The following PACRG variants were observed in gnomAD, a reference collection of about 807,000 sequenced individuals.
PACRG encodes the protein parkin coregulated, also known as parkin coregulated gene protein.
PACRG carries 29 observed loss-of-function variants against 29.7 expected under a neutral mutation model. The observed-to-expected ratio is 0.98, with a 90% CI of 0.73 to 1.33. The LOEUF is 1.33. Among genes scored for constraint, PACRG ranks in the 40% most tolerant of loss-of-function variants. The probability of loss-of-function intolerance (pLI) is 0.00; values close to 1 mark genes in which losing one functional copy is unlikely to be tolerated. For synonymous variants in PACRG, 116 were observed against 118.7 expected, an observed-to-expected ratio of 0.98 and a Z score of 0.15; for missense variants, 279 against 316.2, an observed-to-expected ratio of 0.88 and a Z score of 0.89.
chr6:162,745,383 G>A (rs1279139336), intron 1 of PACRG, among the ~76,000 whole-genome samples: 5 of 151,954 alleles, frequency 3.3e-5, no homozygotes, highest in East Asian at 1.9e-4. Context: ...GGGGCCTTTC[G>A]GGGGATGTGG....
chr6:163,156,994 G>T (rs1486200948), intron 4 of PACRG, among the ~76,000 whole-genome samples: 1 of 152,164 alleles, frequency 6.6e-6, no homozygotes, highest in Non-Finnish European at 1.5e-5. Flanking sequence ...AGTACCTTTT[G>T]TCATGTAATG....
chr6:162,861,562 A>C lies in PACRG; in HGVS notation c.291+47281A>C, dbSNP rs564689414. 2.0e-5 allele frequency among the ~76,000 whole-genome samples: 3 copies of C among 152,310 alleles called. No individual in the cohort carries two copies. In the South Asian group the frequency reaches 6.2e-4, roughly 32 times the overall value. Reference sequence around the variant, plus strand: ...GTTCTTAGCTACCTATCAAAGCGAAAGCAACTGAGACCCTGAGTGAAGTCG... The same window carrying C: ...GTTCTTAGCTACCTATCAAAGCGAACGCAACTGAGACCCTGAGTGAAGTCG... On this transcript the variant is annotated intron_variant, in intron 2 of 4. Coordinates refer to ENST00000366888, the MANE Select transcript of PACRG (RefSeq NM_001080379.2).
intron 4 of PACRG, among the ~76,000 whole-genome samples, chr6:163,162,055 G>A (rs1258256369): frequency 2.0e-5 from 3 of 152,318 alleles, no homozygotes; most frequent in East Asian, 3.9e-4. Context: ...ACTGCATGGG[G>A]AGAAAACACC....
chr6:162,886,644 C>A (rs1794357980), intron 2 of PACRG, among the ~76,000 whole-genome samples: 2 of 152,072 alleles, frequency 1.3e-5, no homozygotes. Flanking sequence ...TCAAGTTATG[C>A]TGTTTTCTAA....
chr6:162,907,522 G>C (rs1272910609), intron 2 of PACRG, among the ~76,000 whole-genome samples: 2 of 152,018 alleles, frequency 1.3e-5, no homozygotes, highest in Non-Finnish European at 2.9e-5. Context: ...TTAGATTTTA[G>C]TCCTCAGCAG....
intron 1 of PACRG, among the ~76,000 whole-genome samples, chr6:162,773,182 A>C (rs1434863923): frequency 1.3e-5 from 2 of 152,202 alleles, no homozygotes; most frequent in African/African-American, 4.8e-5. Flanking sequence ...CAGAAGGTTG[A>C]TAGCTGGCTG....
chr6:163,106,847 T>G (rs937237945), intron 4 of PACRG, among the ~76,000 whole-genome samples: 13 of 152,184 alleles, frequency 8.5e-5, no homozygotes, highest in Admixed American at 3.3e-4. Context: ...GGACTTAACT[T>G]GAGATGATTC....
chr6:162,949,204 A>G (rs1235698541), intron 2 of PACRG, among the ~76,000 whole-genome samples: 2 of 152,166 alleles, frequency 1.3e-5, no homozygotes, highest in Non-Finnish European at 2.9e-5. Flanking sequence ...ATTTGCAGCA[A>G]CATGGAGGAC....
intron 2 of PACRG, among the ~76,000 whole-genome samples, chr6:162,946,186 A>G (rs1798991330): frequency 6.6e-6 from 1 of 151,986 alleles, no homozygotes. Flanking sequence ...AATAGAGACA[A>G]AAAAAGGATC....
At chr6:162,970,593 T>C (rs1422468301) in intron 2 of PACRG, among the ~76,000 whole-genome samples, 1 of 152,188 alleles carries the variant, frequency 6.6e-6, no homozygotes, top group East Asian at 1.9e-4. Context: ...CAAATAGATA[T>C]CAGATTAAGA....
At chr6:163,022,493 G>A (rs1342400745) in intron 2 of PACRG, among the ~76,000 whole-genome samples, 1 of 152,212 alleles carries the variant, frequency 6.6e-6, no homozygotes, top group Non-Finnish European at 1.5e-5. Flanking sequence ...GGACCCCTTG[G>A]TGGGAATGTG....
chr6:163,171,586 C>G (rs1010468283), intron 4 of PACRG, among the ~76,000 whole-genome samples: 4 of 152,214 alleles, frequency 2.6e-5, no homozygotes, highest in Admixed American at 1.3e-4. Flanking sequence ...ACGATTATAG[C>G]TCTTCTCAAG....
At chr6:162,976,304 G>A (rs1352422609) in intron 2 of PACRG, among the ~76,000 whole-genome samples, 1 of 152,188 alleles carries the variant, frequency 6.6e-6, no homozygotes, top group Admixed American at 6.5e-5. Context: ...TTCAAAGAGT[G>A]GACTGCAGCT....
chr6:163,160,943 C>T (rs1476984187), intron 4 of PACRG, among the ~76,000 whole-genome samples: 1 of 152,114 alleles, frequency 6.6e-6, no homozygotes, highest in African/African-American at 2.4e-5. Flanking sequence ...ATTTTATTTG[C>T]TCACAAGCAC....
chr6:162,738,178 A>G (rs1780309279), intron 1 of PACRG, among the ~76,000 whole-genome samples: 1 of 152,210 alleles, frequency 6.6e-6, no homozygotes, highest in Non-Finnish European at 1.5e-5. Flanking sequence ...ATTCCTAAAT[A>G]TGCATAATGA....
chr6:162,867,832 G>A (rs956477003), intron 2 of PACRG, among the ~76,000 whole-genome samples: 1 of 152,134 alleles, frequency 6.6e-6, no homozygotes, highest in African/African-American at 2.4e-5. Flanking sequence ...CCTCGTCCTA[G>A]AAGGCAGCGT....
At chr6:163,096,470 A>G (rs1361321049) in intron 4 of PACRG, among the ~76,000 whole-genome samples, 1 of 152,242 alleles carries the variant, frequency 6.6e-6, no homozygotes, top group East Asian at 1.9e-4. Flanking sequence ...GGGACAAAGC[A>G]TGCAGCTGCC....
At chr6:162,865,943 G>C in intron 2 of PACRG, among the ~76,000 whole-genome samples, 1 of 152,096 alleles carries the variant, frequency 6.6e-6, no homozygotes, top group East Asian at 1.9e-4. Context: ...ATATAGTTAT[G>C]ATTTATTTAA....
At chr6:162,854,561 CTTTA>C (rs1791211865) in intron 2 of PACRG, among the ~76,000 whole-genome samples, 1 of 152,182 alleles carries the variant, frequency 6.6e-6, no homozygotes, top group African/African-American at 2.4e-5. Context: ...TTGAGACTGA[CTTTA>C]TTTCTCTCCA....
Sources: gnomAD v4.1 joint callset for allele counts (sites outside exome capture counted in the v4.1 genomes callset) on GRCh38, gnomAD v4.1.1 for gene constraint, MANE v1.5 for transcripts, NCBI Gene and HGNC (gene_info 2026-07-23, HGNC 2026-07-21) for gene names.